The following PDE7B variants were observed in gnomAD, a reference collection of about 807,000 sequenced individuals.
PDE7B encodes phosphodiesterase 7B.
A neutral mutation model predicts 56.2 loss-of-function variants in PDE7B; 29 were observed. The observed-to-expected ratio is 0.52, with a 90% CI of 0.38 to 0.70. PDE7B has a LOEUF of 0.70. Among genes scored for constraint, PDE7B ranks in the 30% least tolerant of loss-of-function variants. The pLI, the probability that PDE7B is intolerant of heterozygous loss-of-function variation, is 0.00. For missense variants in PDE7B, 490 were observed against 565.0 expected, an observed-to-expected ratio of 0.87 and a Z score of 1.35; for synonymous variants, 197 against 196.9, an observed-to-expected ratio of 1.00 and a Z score of 0.00.
chr6:135,925,704 A>G (rs4401684), intron 1 of PDE7B, among the ~76,000 whole-genome samples: 226 of 152,344 alleles, frequency 1.5e-3, no homozygotes, highest in Admixed American at 0.012. Flanking sequence ...AACATTTACA[A>G]TTAGAATGAT....
At chr6:135,914,890 C>T (rs1390128569) in intron 1 of PDE7B, among the ~76,000 whole-genome samples, 3 of 151,158 alleles carry the variant, frequency 2.0e-5, no homozygotes, top group African/African-American at 4.8e-5. Flanking sequence ...GTCAGGAGTT[C>T]GAGACCAGCC....
Position 136,195,324 on chromosome 6 carries a change from T to C in PDE7B, c.*3484T>C, listed in dbSNP as rs1376887310. 6.6e-6 allele frequency: 1 copy of C among 152,146 alleles called. No individual in the cohort carries two copies. The highest frequency in any genetic ancestry group is 2.4e-5 in the African/African-American group (1 of 41,436). The allele number at this position is 152,146 out of a possible 1,614,324, so 9.4% of individuals were successfully genotyped here. On this transcript the variant is annotated 3_prime_UTR_variant, in exon 13 of 13. Transcript: ENST00000308191. ...AACTAGGTCTTGTTTTGTAATCTTT[T>C]CTCGTGTTGAATCAGATCTGCTTAC...
At chr6:136,144,489 C>T (rs1778382455) in intron 3 of PDE7B, among the ~76,000 whole-genome samples, 1 of 152,118 alleles carries the variant, frequency 6.6e-6, no homozygotes, top group South Asian at 2.1e-4. Flanking sequence ...TGGACAATCA[C>T]TGTGATGTCA....
At chr6:136,153,385 T>C (rs1778553294) in intron 6 of PDE7B, among the ~76,000 whole-genome samples, 1 of 152,186 alleles carries the variant, frequency 6.6e-6, no homozygotes, top group African/African-American at 2.4e-5. Flanking sequence ...TCGCCTTGGT[T>C]ATGAGCTGAA....
At chr6:135,872,185 A>G (rs1425924450) in intron 1 of PDE7B, among the ~76,000 whole-genome samples, 1 of 152,208 alleles carries the variant, frequency 6.6e-6, no homozygotes, top group Non-Finnish European at 1.5e-5. Flanking sequence ...AAGTTATCTT[A>G]TGTAAATATG....
chr6:135,878,719 G>A (rs966588145), intron 1 of PDE7B, among the ~76,000 whole-genome samples: 1 of 152,128 alleles, frequency 6.6e-6, no homozygotes, highest in African/African-American at 2.4e-5. Context: ...CAGCTTGGGA[G>A]GGTATCTTCT....
intron 2 of PDE7B, among the ~76,000 whole-genome samples, chr6:136,004,458 T>C (rs1775738230): frequency 6.6e-6 from 1 of 152,062 alleles, no homozygotes; most frequent in Admixed American, 6.6e-5. Flanking sequence ...AAAACCCCAT[T>C]GTCTCAGCTC....
intron 2 of PDE7B, among the ~76,000 whole-genome samples, chr6:135,985,461 A>G (rs1380932189): frequency 6.6e-6 from 1 of 152,194 alleles, no homozygotes; most frequent in Non-Finnish European, 1.5e-5. Flanking sequence ...AATGAGTGTG[A>G]AGAGGAGGCT....
intron 1 of PDE7B, among the ~76,000 whole-genome samples, chr6:135,853,324 G>A (rs1774969662): frequency 6.6e-6 from 1 of 152,202 alleles, no homozygotes; most frequent in Non-Finnish European, 1.5e-5. Flanking sequence ...AATGTACTAA[G>A]TTAAGAACTG....
At chr6:135,987,206 T>C (rs1027900125) in intron 2 of PDE7B, among the ~76,000 whole-genome samples, 9 of 152,160 alleles carry the variant, frequency 5.9e-5, no homozygotes, top group South Asian at 2.1e-4. Context: ...AGAACAGAAT[T>C]TGGCACTTTT....
At chr6:135,899,456 A>G (rs1233882361) in intron 1 of PDE7B, among the ~76,000 whole-genome samples, 2 of 150,906 alleles carry the variant, frequency 1.3e-5, no homozygotes, top group African/African-American at 4.9e-5. Flanking sequence ...TATGAGATCT[A>G]TATGTAAACT....
intron 2 of PDE7B, among the ~76,000 whole-genome samples, chr6:136,048,071 G>A (rs538057885): frequency 6.0e-4 from 89 of 147,126 alleles, no homozygotes; most frequent in African/African-American, 1.9e-3. Flanking sequence ...TGGATGGATG[G>A]GTGGATGGAT....
rs118056019 is a variant in PDE7B at position 136,068,091 on chromosome 6, G to A, written c.83-40640G>A. Among the ~76,000 whole-genome samples the A allele has an allele frequency of 7.2e-3, 1,099 of 152,324 alleles. 5 individuals carry two copies. The highest frequency in any genetic ancestry group is 0.031 in the Middle Eastern group (9 of 294). Reference sequence around the variant, plus strand: ...AGAGTTAAGACTCTGTAAAATATTTGAAGAGAGTTAGTCCGAGCCAAATAT... The same window carrying A: ...AGAGTTAAGACTCTGTAAAATATTTAAAGAGAGTTAGTCCGAGCCAAATAT... On this transcript the variant is annotated intron_variant, in intron 2 of 12. Transcript: ENST00000308191.
chr6:136,093,206 A>G (rs1777418804), intron 2 of PDE7B, among the ~76,000 whole-genome samples: 1 of 152,236 alleles, frequency 6.6e-6, no homozygotes, highest in African/African-American at 2.4e-5. Flanking sequence ...GGGTATGTTT[A>G]ATGCACAGTG....
intron 1 of PDE7B, among the ~76,000 whole-genome samples, chr6:135,875,017 ATAT>A (rs1775464508): frequency 6.6e-6 from 1 of 152,000 alleles, no homozygotes; most frequent in Non-Finnish European, 1.5e-5. Context: ...AATATTAATA[ATAT>A]TCTAATATTA....
intron 3 of PDE7B, among the ~76,000 whole-genome samples, chr6:136,126,971 A>T (rs918129177): frequency 2.0e-5 from 3 of 152,236 alleles, no homozygotes; most frequent in South Asian, 4.1e-4. Context: ...TTTAAAAATT[A>T]TACAAAAGAA....
At chr6:136,089,483 T>C (rs569374696) in intron 2 of PDE7B, among the ~76,000 whole-genome samples, 1 of 152,328 alleles carries the variant, frequency 6.6e-6, no homozygotes, top group South Asian at 2.1e-4. Flanking sequence ...AAAGATGCAA[T>C]TGTTCATTTG....
In PDE7B at chr6:136,009,578, T is replaced by G. The variant is rs376953080; in HGVS notation, c.82+62054T>G. On this transcript the variant is annotated intron_variant, in intron 2 of 12. Coordinates refer to ENST00000308191, the MANE Select transcript of PDE7B (RefSeq NM_018945.4). Reference sequence around the variant, plus strand: ...CCCTTGTAAGTTGGATTCCTAGGTATTTTATTCTCTTTGAAGCAATTGTGA... The same window carrying G: ...CCCTTGTAAGTTGGATTCCTAGGTAGTTTATTCTCTTTGAAGCAATTGTGA... Among the ~76,000 whole-genome samples the G allele has an allele frequency of 1.1e-3, 169 of 152,304 alleles. 3 individuals carry two copies. The South Asian group carries it at 0.035, about 31-fold the overall frequency.
chr6:136,046,835 T>C (rs1776517598), intron 2 of PDE7B, among the ~76,000 whole-genome samples: 1 of 152,230 alleles, frequency 6.6e-6, no homozygotes, highest in African/African-American at 2.4e-5. Flanking sequence ...TTAAGATTAT[T>C]GTCCTTCTGC....
Sources: allele counts gnomAD v4.1 joint callset (sites outside exome capture counted in the v4.1 genomes callset), GRCh38; gene constraint gnomAD v4.1.1; transcripts MANE v1.5; gene names NCBI Gene and HGNC (gene_info 2026-07-23, HGNC 2026-07-21).